NFYC: variants seen among roughly 807,000 people sequenced by gnomAD.
NFYC encodes the protein CAAT box DNA-binding protein subunit C.
Under a neutral mutation model 53.1 loss-of-function variants are expected in NFYC, and 25 were observed. That is an observed-to-expected ratio of 0.47 (90% CI 0.34 to 0.66). The LOEUF is 0.66. Among genes scored for constraint, NFYC ranks in the 30% least tolerant of loss-of-function variants. The pLI, the probability that NFYC is intolerant of heterozygous loss-of-function variation, is 0.01. For missense variants in NFYC, 260 were observed against 422.7 expected (o/e 0.62, Z 3.38); for synonymous variants, 145 against 152.6 (o/e 0.95, Z 0.37).
intron 8 of NFYC, chr1:40,766,947 T>A: frequency 6.4e-7 from 1 of 1,552,222 alleles, no homozygotes; most frequent in Non-Finnish European, 8.7e-7. Context: ...AGGGGAAGCC[T>A]CGAAGGTGCC....
intron 6 of NFYC, 96 bp downstream of exon 6, chr1:40,758,390 A>G: frequency 3.1e-6 from 4 of 1,301,324 alleles, no homozygotes; most frequent in Admixed American, 2.8e-5. Context: ...CAGCCAGATC[A>G]TTATAGAGCA....
intron 8 of NFYC, among the ~76,000 whole-genome samples, chr1:40,767,935 C>T (rs1474557623): frequency 6.6e-6 from 1 of 152,068 alleles, no homozygotes; most frequent in Non-Finnish European, 1.5e-5. Flanking sequence ...GAGATTGTGC[C>T]ACTGCACTCC....
intron 1 of NFYC, among the ~76,000 whole-genome samples, chr1:40,699,182 A>C (rs1643310599): frequency 6.6e-6 from 1 of 151,970 alleles, no homozygotes; most frequent in South Asian, 2.1e-4. Context: ...AAACAAAACA[A>C]AACCAAAAAA....
intron 1 of NFYC, among the ~76,000 whole-genome samples, chr1:40,711,511 G>C (rs557103716): frequency 9.9e-5 from 15 of 152,268 alleles, no homozygotes; most frequent in Non-Finnish European, 2.1e-4. Context: ...CTATAAACTT[G>C]AGAACTTTGT....
chr1:40,698,727 T>C (rs1416586956), intron 1 of NFYC, among the ~76,000 whole-genome samples: 3 of 152,152 alleles, frequency 2.0e-5, no homozygotes, highest in African/African-American at 4.8e-5. Flanking sequence ...AAGCCAATAG[T>C]ATATCCTTTG....
chr1:40,762,079 C>T (rs1239542766), intron 6 of NFYC, among the ~76,000 whole-genome samples: 1 of 152,198 alleles, frequency 6.6e-6, no homozygotes, highest in East Asian at 1.9e-4. Context: ...CAAAAGAGTA[C>T]ATTTCATAGG....
At chr1:40,750,902 A>C (rs1645877549) in intron 4 of NFYC, among the ~76,000 whole-genome samples, 1 of 152,226 alleles carries the variant, frequency 6.6e-6, no homozygotes, top group Admixed American at 6.5e-5. Flanking sequence ...ACAATACCAC[A>C]GTTGGTGAGG....
At chr1:40,745,719 C>G (rs377756369) in intron 2 of NFYC, among the ~76,000 whole-genome samples, 2 of 152,182 alleles carry the variant, frequency 1.3e-5, no homozygotes, top group Non-Finnish European at 2.9e-5. Flanking sequence ...TCCCTCCAGC[C>G]CCACATTGCT....
In NFYC at chr1:40,747,557, C is replaced by G. The variant is rs370737312; in HGVS notation, c.129C>G (p.Leu43=). 3 of 1,613,216 alleles carry G rather than the reference C, an allele frequency of 1.9e-6. No homozygotes were observed. Among genetic ancestry groups the G allele is most frequent in the East Asian group, 2.2e-5 (1 of 44,876 alleles). The change falls in exon 3 of 10, where the codon CTC becomes CTG. Residue 43 remains leucine, a synonymous_variant. Coordinates refer to ENST00000447388, the MANE Select transcript of NFYC (RefSeq NM_014223.5). The part of the protein sequence containing the change: ...LTVKDFRVQE[L]PLARIKKIMK... ...AGAAAGACTTCCGAGTGCAGGAACT[C>G]CCACTGGCTCGTATTAAGAAGATTA...
chr1:40,693,428 T>C (rs889102141), intron 1 of NFYC, among the ~76,000 whole-genome samples: 25 of 152,222 alleles, frequency 1.6e-4, no homozygotes, highest in African/African-American at 5.8e-4. Context: ...TTTTGTTAGG[T>C]AGTCCTTTTT....
chr1:40,702,919 C>T (rs183528146), intron 1 of NFYC, among the ~76,000 whole-genome samples: 11 of 152,146 alleles, frequency 7.2e-5, no homozygotes, highest in Admixed American at 6.5e-4. Flanking sequence ...CAGGTTCAAG[C>T]GATTCTGCTG....
intron 1 of NFYC, among the ~76,000 whole-genome samples, chr1:40,707,996 T>C (rs1374492227): frequency 6.6e-6 from 1 of 152,220 alleles, no homozygotes; most frequent in Non-Finnish European, 1.5e-5. Context: ...TCTAAGGATT[T>C]AACCAACCAT....
intron 1 of NFYC, among the ~76,000 whole-genome samples, chr1:40,732,178 A>T (rs1570496808): frequency 2.6e-5 from 4 of 152,178 alleles, no homozygotes; most frequent in African/African-American, 9.7e-5. Context: ...TACCTCAAAG[A>T]GCTGTATTGT....
intron 1 of NFYC, among the ~76,000 whole-genome samples, chr1:40,714,420 T>C (rs929012172): frequency 4.6e-5 from 7 of 152,242 alleles, no homozygotes; most frequent in African/African-American, 1.7e-4. Flanking sequence ...GACCATGATA[T>C]ACTTTAACAT....
intron 4 of NFYC, among the ~76,000 whole-genome samples, chr1:40,752,550 A>C (rs1388188672): frequency 6.6e-6 from 1 of 152,110 alleles, no homozygotes; most frequent in Non-Finnish European, 1.5e-5. Flanking sequence ...TGTTCATAGC[A>C]CAAACTATGA....
chr1:40,693,029 T>C lies in NFYC; in HGVS notation c.-9+1162T>C, dbSNP rs189615962. Reference sequence around the variant, plus strand: ...TGGTAGTTATTTGTTGAGTAAATATTGTTAGGTTCCCCTTTAAGGGAAAGG... The same window carrying C: ...TGGTAGTTATTTGTTGAGTAAATATCGTTAGGTTCCCCTTTAAGGGAAAGG... On this transcript the variant is annotated intron_variant, in intron 1 of 9. Transcript: ENST00000447388. Among the ~76,000 whole-genome samples, 57 of 152,310 alleles carry C rather than the reference T, an allele frequency of 3.7e-4. No individual in the cohort carries two copies. In the East Asian group the frequency reaches 8.1e-3, roughly 22 times the overall value.
chr1:40,762,689 G>A (rs1646609993), intron 6 of NFYC, among the ~76,000 whole-genome samples, 199 bp from the exon 7 acceptor site: 1 of 152,258 alleles, frequency 6.6e-6, no homozygotes, highest in Non-Finnish European at 1.5e-5. Flanking sequence ...AATATTTTTG[G>A]TTTTTCTTTC....
intron 1 of NFYC, among the ~76,000 whole-genome samples, chr1:40,736,453 A>G (rs1436369413): frequency 1.3e-5 from 2 of 152,214 alleles, no homozygotes; most frequent in African/African-American, 4.8e-5. Context: ...AAGTCTGGTC[A>G]TGTGACAACT....
At chr1:40,737,305 C>T (rs1645084649) in intron 1 of NFYC, among the ~76,000 whole-genome samples, 1 of 150,582 alleles carries the variant, frequency 6.6e-6, no homozygotes, top group Non-Finnish European at 1.5e-5. Flanking sequence ...GGTTCTAGCC[C>T]TCTTTCTCTA....
Sources: gnomAD v4.1 joint callset for allele counts (sites outside exome capture counted in the v4.1 genomes callset) on GRCh38, gnomAD v4.1.1 for gene constraint, MANE v1.5 for transcripts, NCBI Gene and HGNC (gene_info 2026-07-23, HGNC 2026-07-21) for gene names.